MYT1L: variants seen among roughly 807,000 people sequenced by gnomAD.
MYT1L encodes myelin transcription factor 1-like protein.
A neutral mutation model predicts 126.7 loss-of-function variants in MYT1L; 12 were observed. That is an observed-to-expected ratio of 0.09 (90% CI 0.06 to 0.15). The LOEUF (loss-of-function observed/expected upper bound fraction) is 0.15. Ranked by LOEUF, MYT1L falls within the 10% of genes least tolerant of loss-of-function variation. The pLI is 1.00. For missense variants in MYT1L, 979 were observed against 1,585.2 expected (o/e 0.62, Z 6.49); for synonymous variants, 541 against 604.2 (o/e 0.90, Z 1.53).
intron 2 of MYT1L, among the ~76,000 whole-genome samples, chr2:2,263,393 G>A (rs2095038974): frequency 1.3e-5 from 2 of 152,116 alleles, no homozygotes; most frequent in African/African-American, 2.4e-5. Context: ...GTCGCAGAAT[G>A]TATTGCCTGA....
chr2:2,318,789 A>G (rs1046870792), intron 1 of MYT1L, among the ~76,000 whole-genome samples: 1 of 152,228 alleles, frequency 6.6e-6, no homozygotes, highest in African/African-American at 2.4e-5. Context: ...AGAACCTAGC[A>G]TCAACCAACC....
intron 21 of MYT1L, among the ~76,000 whole-genome samples, chr2:1,836,363 T>G (rs1294719774): frequency 1.5e-5 from 2 of 135,156 alleles, no homozygotes; most frequent in Non-Finnish European, 3.1e-5. Context: ...ACCCCAAGAT[T>G]CCATCAATCT....
intron 5 of MYT1L, among the ~76,000 whole-genome samples, chr2:1,991,974 G>A (rs139076052): frequency 5.9e-5 from 9 of 152,194 alleles, no homozygotes; most frequent in East Asian, 1.9e-4. Context: ...AGAAGGATTC[G>A]AACTGGCGTT....
chr2:2,064,560 G>T (rs191339276), intron 3 of MYT1L, among the ~76,000 whole-genome samples: 11 of 152,226 alleles, frequency 7.2e-5, no homozygotes, highest in Non-Finnish European at 1.3e-4. Context: ...TGTACAGAGA[G>T]GAGACTTTAA....
chr2:2,180,747 T>C (rs962490851), intron 2 of MYT1L, among the ~76,000 whole-genome samples: 1 of 151,308 alleles, frequency 6.6e-6, no homozygotes, highest in Admixed American at 6.6e-5. Context: ...CCTGTGTGTG[T>C]GCTTGTGCAT....
At chr2:2,051,582 A>G (rs2068833769) in intron 4 of MYT1L, among the ~76,000 whole-genome samples, 1 of 152,230 alleles carries the variant, frequency 6.6e-6, no homozygotes, top group Non-Finnish European at 1.5e-5. Context: ...ACTACTAGAG[A>G]ACAAAGCCTT....
At chr2:2,080,534 A>G (rs2075707917) in intron 3 of MYT1L, among the ~76,000 whole-genome samples, 2 of 152,238 alleles carry the variant, frequency 1.3e-5, no homozygotes, top group South Asian at 4.1e-4. Context: ...ACATTTTCCC[A>G]AAGAAAATCT....
chr2:2,010,378 G>A (rs1316765464), intron 4 of MYT1L, among the ~76,000 whole-genome samples: 1 of 152,106 alleles, frequency 6.6e-6, no homozygotes, highest in Non-Finnish European at 1.5e-5. Flanking sequence ...ACTGTATGTT[G>A]TTAAGTTCTG....
chr2:1,801,721 G>A lies in MYT1L; in HGVS notation c.3251C>T (p.Ala1084Val). 1 of 1,610,642 alleles carries A rather than the reference G, an allele frequency of 6.2e-7. No individual in the cohort carries two copies. The highest frequency in any genetic ancestry group is 8.5e-7 in the Non-Finnish European group (1 of 1,178,424). The change falls in exon 23 of 25, where the codon GCC (alanine) becomes GTC (valine). Residue 1084 changes from alanine to valine, a missense_variant. Physicochemically the swap from Ala to Val is moderately conservative, Grantham distance 64. Transcript: ENST00000647738. The surrounding 1 kb of genome is among the most constrained non-coding windows in gnomAD (Gnocchi z 4.2). ...ELNESNSQME[A>V]DMIKLRTQIT... The stretch of plus-strand genomic sequence containing the variant: ...CTGAGTTCTGAGTTTAATCATATCG[G>A]CTTCCATCTGGGAATTGGATTCATT...
intron 4 of MYT1L, among the ~76,000 whole-genome samples, chr2:2,031,524 C>G (rs1483585083): frequency 5.6e-5 from 8 of 142,496 alleles, no homozygotes; most frequent in African/African-American, 1.6e-4. Context: ...CACACCCCTC[C>G]CAAGTGCCTC....
chr2:1,889,385 A>T lies in MYT1L; in HGVS notation c.2376T>A (p.Pro792=). Residue 792 remains proline, a synonymous_variant, in exon 16 of 25, where the codon CCT becomes CCA. Coordinates refer to ENST00000647738, the MANE Select transcript of MYT1L (RefSeq NM_001303052.2). The surrounding 1 kb of genome is among the most constrained non-coding windows in gnomAD (Gnocchi z 4.1). The part of the protein sequence containing the change: ...PRDSCCPILT[P]LEPMSPQQQA... ...GCTGCTGGGGGGACATGGGCTCCAG[A>T]GGGGTCAGGATGGGGCAGCAGCTGT... 1 of 1,613,884 alleles carries T rather than the reference A, an allele frequency of 6.2e-7. No individual in the cohort carries two copies. Among genetic ancestry groups the T allele is most frequent in the South Asian group, 1.1e-5 (1 of 91,070 alleles).
rs576718265 is a variant in MYT1L at position 2,011,799 on chromosome 2, A to T, written c.-157-14452T>A. ...CTGTCAATATCATTAGTCATCAGAG[A>T]TGTATAAATCAAAACTACAGTGAGA... On this transcript the variant is annotated intron_variant, in intron 4 of 24. Transcript: ENST00000647738. 3.3e-5 allele frequency among the ~76,000 whole-genome samples: 5 copies of T among 152,372 alleles called. No homozygotes were observed. The South Asian group carries it at 1.0e-3, about 32-fold the overall frequency.
chr2:2,189,869 C>T (rs145816166), intron 2 of MYT1L, among the ~76,000 whole-genome samples: 7 of 150,734 alleles, frequency 4.6e-5, no homozygotes, highest in South Asian at 4.2e-4. Context: ...CAGGACCGCA[C>T]GGGGAGAAGC....
At chr2:2,147,777 G>C (rs1436915503) in intron 3 of MYT1L, among the ~76,000 whole-genome samples, 1 of 152,192 alleles carries the variant, frequency 6.6e-6, no homozygotes, top group Non-Finnish European at 1.5e-5. Context: ...GAGGACAGCT[G>C]GGGCACATAG....
At chr2:2,062,219 T>C (rs1265928438) in intron 3 of MYT1L, among the ~76,000 whole-genome samples, 2 of 152,238 alleles carry the variant, frequency 1.3e-5, no homozygotes, top group East Asian at 1.9e-4. Flanking sequence ...CACACATTAA[T>C]ACTATGTTTC....
chr2:2,182,334 C>G (rs897167679), intron 2 of MYT1L, among the ~76,000 whole-genome samples: 8 of 152,262 alleles, frequency 5.3e-5, no homozygotes, highest in Non-Finnish European at 7.4e-5. Context: ...TACTTGAACA[C>G]TTTTTTAAAA....
chr2:2,198,104 T>A (rs540278116), intron 2 of MYT1L, among the ~76,000 whole-genome samples: 1 of 152,244 alleles, frequency 6.6e-6, no homozygotes, highest in Non-Finnish European at 1.5e-5. Flanking sequence ...GAAATTCTGT[T>A]ATTTGTGGCA....
At chr2:2,097,769 C>T (rs905301800) in intron 3 of MYT1L, among the ~76,000 whole-genome samples, 2 of 152,142 alleles carry the variant, frequency 1.3e-5, no homozygotes, top group African/African-American at 4.8e-5. Context: ...CATCAGTGCT[C>T]ATCGGGTATA....
intron 21 of MYT1L, 36 bp from the exon 22 acceptor site, chr2:1,809,203 G>A: frequency 6.3e-7 from 1 of 1,588,926 alleles, no homozygotes; most frequent in African/African-American, 1.3e-5. Flanking sequence ...TTAGTCAACT[G>A]TCTAATGTCC....
Sources: gnomAD v4.1 joint callset for allele counts (sites outside exome capture counted in the v4.1 genomes callset) on GRCh38, gnomAD v4.1.1 for gene constraint, Gnocchi (gnomAD v3.1) non-coding constraint, MANE v1.5 for transcripts, NCBI Gene and HGNC (gene_info 2026-07-23, HGNC 2026-07-21) for gene names.